The following PLA2G7 variants were observed in gnomAD, a reference collection of about 807,000 sequenced individuals.
PLA2G7 encodes phospholipase A2 group VII, also known as platelet-activating factor acetylhydrolase.
In PLA2G7, 63 loss-of-function variants were observed where a neutral mutation model predicts 49.6. The ratio of observed to expected loss-of-function variants is 1.27; its 90% CI spans 1.04 to 1.57. PLA2G7 has a LOEUF of 1.57. Ranked by LOEUF, PLA2G7 falls within the 40% of genes most tolerant of loss-of-function variation. The pLI is 0.00. For synonymous variants in PLA2G7, 193 were observed against 169.9 expected (o/e 1.14, Z -1.06); for missense variants, 596 against 521.2 (o/e 1.14, Z -1.40).
chr6:46,728,612 A>G (rs1765639399), intron 1 of PLA2G7, among the ~76,000 whole-genome samples: 1 of 152,194 alleles, frequency 6.6e-6, no homozygotes, highest in South Asian at 2.1e-4. Flanking sequence ...CAAATGTCCA[A>G]ATGTTTGGTG....
At chr6:46,712,173 A>T (rs1376009357) in intron 6 of PLA2G7, 96 bp downstream of exon 6, 5 of 848,320 alleles carry the variant, frequency 5.9e-6, no homozygotes, top group African/African-American at 1.7e-5. Flanking sequence ...TTCCATCAAC[A>T]TTTTAAATAA....
At chr6:46,732,202 C>T (rs879790593) in intron 1 of PLA2G7, among the ~76,000 whole-genome samples, 1 of 152,182 alleles carries the variant, frequency 6.6e-6, no homozygotes, top group Non-Finnish European at 1.5e-5. Flanking sequence ...GTGCCTCCAA[C>T]ACATCACACC....
chr6:46,710,491 C>CA (rs1278690181), intron 8 of PLA2G7, 54 bp downstream of exon 8: 12 of 1,194,684 alleles, frequency 1.0e-5, no homozygotes, highest in African/African-American at 3.0e-5. Context: ...AATTAAATGA[C>CA]AAAAAACAAT....
At chr6:46,705,687 T>A (rs983691312) in intron 10 of PLA2G7, among the ~76,000 whole-genome samples, 1 of 152,238 alleles carries the variant, frequency 6.6e-6, no homozygotes, top group African/African-American at 2.4e-5. Flanking sequence ...ACGTGGTATG[T>A]ATTTGATGCT....
rs372925395 is a variant in PLA2G7 at position 46,723,019 on chromosome 6, C to T, written c.-34-94G>A. On this transcript the variant is annotated intron_variant, in intron 1 of 11. Transcript: ENST00000274793. Reference sequence around the variant, plus strand: ...AAGAAAGGCTGAGGTACTAGTAACACTTGGAAAAAATAAAACATGTATTTT... The same window carrying T: ...AAGAAAGGCTGAGGTACTAGTAACATTTGGAAAAAATAAAACATGTATTTT... 293 of 684,864 alleles carry T rather than the reference C, an allele frequency of 4.3e-4. No homozygotes were observed. The East Asian group carries it at 7.4e-3, about 17-fold the overall frequency. The allele number at this position is 684,864 out of a possible 1,614,324, so 42.4% of individuals were successfully genotyped here.
chr6:46,726,722 A>G (rs1582586492), intron 1 of PLA2G7, among the ~76,000 whole-genome samples: 1 of 151,934 alleles, frequency 6.6e-6, no homozygotes, highest in Non-Finnish European at 1.5e-5. Flanking sequence ...GCTCACTGCA[A>G]CCTCCGCCTT....
intron 7 of PLA2G7, among the ~76,000 whole-genome samples, chr6:46,711,177 T>C (rs957630499): frequency 6.6e-6 from 1 of 152,242 alleles, no homozygotes; most frequent in Non-Finnish European, 1.5e-5. Context: ...GTAGTCTTTT[T>C]ATATTGTCTG....
chr6:46,711,434 A>G (rs1199697707), intron 7 of PLA2G7, 62 bp downstream of exon 7: 2 of 1,588,670 alleles, frequency 1.3e-6, no homozygotes, highest in East Asian at 4.5e-5. Flanking sequence ...TAAATTAACA[A>G]ATGTCATCCT....
Position 46,704,592 on chromosome 6 carries a change from G to A in PLA2G7, c.1294C>T (p.Gln432Ter). Residue 432 changes from glutamine (Q) to a stop codon, truncating the protein, a stop_gained, in exon 12 of 12, where the codon CAG (glutamine) becomes TAG (stop). Transcript: ENST00000274793. LOFTEE classifies it low-confidence loss of function (END_TRUNC). ...INTTNQHIML[Q>*]NSSGIEKYN ...TATTTCTCTATTCCTGAAGAGTTCT[G>A]TAACATGATGTGTTGATTGGTTGTG... is the stretch of plus-strand genomic sequence containing the variant. 1 of 1,593,462 alleles carries A rather than the reference G, an allele frequency of 6.3e-7. No homozygotes were observed. The highest frequency in any genetic ancestry group is 8.6e-7 in the Non-Finnish European group (1 of 1,161,556).
At chr6:46,710,095 C>T (rs1764962015) in intron 8 of PLA2G7, among the ~76,000 whole-genome samples, 1 of 152,060 alleles carries the variant, frequency 6.6e-6, no homozygotes, top group South Asian at 2.1e-4. Flanking sequence ...GAGAACAGAC[C>T]ATCATCTTAT....
rs1243842964 is a variant in PLA2G7, at chr6:46,711,593, T to C, written c.566A>G (p.Tyr189Cys). ...HRDRSASATYYFKDQSAAEIG... is the reference protein window; with the variant it reads ...HRDRSASATYCFKDQSAAEIG... ...TTCTGCAGCAGATTGGTCCTTGAAA[T>C]AGTAAGTTGCAGATGCAGATCTATC... The change falls in exon 7 of 12, where the codon TAT becomes TGT. Residue 189 changes from tyrosine to cysteine, a missense_variant. Physicochemically the swap from Tyr to Cys is radical, Grantham distance 194 (BLOSUM62 -2). Transcript: ENST00000274793. 2 of 1,613,608 alleles carry C rather than the reference T, an allele frequency of 1.2e-6. No homozygotes were observed. The highest frequency in any genetic ancestry group is 1.7e-6 in the Non-Finnish European group (2 of 1,179,662).
chr6:46,709,565 T>C (rs1764943470), intron 8 of PLA2G7, 147 bp from the exon 9 acceptor site: 2 of 639,730 alleles, frequency 3.1e-6, no homozygotes, highest in Non-Finnish European at 5.6e-6. Context: ...ACACATACAT[T>C]TATACATACC....
chr6:46,705,038 T>G (rs1764762456), intron 11 of PLA2G7, 115 bp downstream of exon 11: 3 of 810,748 alleles, frequency 3.7e-6, no homozygotes, highest in Non-Finnish European at 6.2e-6. Flanking sequence ...ATATACTGCT[T>G]TGTTCCATTG....
At chr6:46,734,116 T>G (rs1039445203) in intron 1 of PLA2G7, among the ~76,000 whole-genome samples, 2 of 152,128 alleles carry the variant, frequency 1.3e-5, no homozygotes, top group African/African-American at 4.8e-5. Context: ...CAGGAGATGA[T>G]GAGGAAGACA....
chr6:46,718,008 G>A (rs113478943), intron 2 of PLA2G7, among the ~76,000 whole-genome samples: 2 of 152,124 alleles, frequency 1.3e-5, no homozygotes, highest in Non-Finnish European at 2.9e-5. Context: ...GAACCACCAC[G>A]CCCAGCCCCA....
At chr6:46,708,336 TG>T (rs1479531904) in intron 9 of PLA2G7, among the ~76,000 whole-genome samples, 175 bp from the exon 10 acceptor site, 1 of 152,208 alleles carries the variant, frequency 6.6e-6, no homozygotes, top group Admixed American at 6.6e-5. Flanking sequence ...TGATTAACTT[TG>T]TAAAGTAGCA....
intron 10 of PLA2G7, among the ~76,000 whole-genome samples, chr6:46,707,024 C>A (rs1178258870): frequency 1.3e-5 from 2 of 152,088 alleles, no homozygotes; most frequent in Non-Finnish European, 2.9e-5. Flanking sequence ...AACCAGATTT[C>A]AGATAGGAAA....
chr6:46,721,583 T>C (rs1227109207), intron 2 of PLA2G7, among the ~76,000 whole-genome samples: 1 of 151,198 alleles, frequency 6.6e-6, no homozygotes, highest in East Asian at 1.9e-4. Flanking sequence ...ATATTACCTG[T>C]TCTCAATCCA....
chr6:46,719,523 C>T (rs1765326061), intron 2 of PLA2G7, among the ~76,000 whole-genome samples: 1 of 152,130 alleles, frequency 6.6e-6, no homozygotes, highest in African/African-American at 2.4e-5. Flanking sequence ...GGTCAGCAAT[C>T]CATGGTCAAA....
Sources: allele counts gnomAD v4.1 joint callset (sites outside exome capture counted in the v4.1 genomes callset), GRCh38; gene constraint gnomAD v4.1.1; transcripts MANE v1.5; gene names NCBI Gene and HGNC (gene_info 2026-07-23, HGNC 2026-07-21).